NLRP14: variants seen among roughly 807,000 people sequenced by gnomAD.
The protein encoded by NLRP14 is NLR family pyrin domain containing 14.
NLRP14 carries 105 observed loss-of-function variants against 94.7 expected under a neutral mutation model. The ratio of observed to expected loss-of-function variants is 1.11; its 90% CI spans 0.95 to 1.30. The LOEUF (loss-of-function observed/expected upper bound fraction) is 1.30. Ranked by LOEUF, NLRP14 falls within the 50% of genes most tolerant of loss-of-function variation. The probability of loss-of-function intolerance (pLI) is 0.00; values close to 1 mark genes in which losing one functional copy is unlikely to be tolerated. For synonymous variants in NLRP14, 508 were observed against 459.9 expected (o/e 1.10, Z -1.34); for missense variants, 1,362 against 1,254.1 (o/e 1.09, Z -1.30).
At chr11:7,024,442 T>G (rs4758152) in intron 1 of NLRP14, among the ~76,000 whole-genome samples, 142,316 of 152,212 alleles carry the variant, frequency 0.93, 67,303 homozygotes, top group East Asian at 1. Flanking sequence ...TGGTCCCATA[T>G]CCTGGTTTCA....
chr11:7,042,954 AC>A lies in NLRP14; in HGVS notation c.929del (p.Thr310LysfsTer6). 1 of 1,614,086 alleles carries A rather than the reference AC, an allele frequency of 6.2e-7. No homozygotes were observed. Among genetic ancestry groups the A allele is most frequent in the South Asian group, 1.1e-5 (1 of 91,082 alleles). On this transcript the variant is annotated frameshift_variant, in exon 4 of 12. Transcript: ENST00000299481. LOFTEE classifies it high-confidence loss of function. Reference sequence around the variant, plus strand: ...ATCCTTATTGGTGACAACAAGACTCACAACTTCTAAGAGACTAAAGCAGTTG... The same window carrying A: ...ATCCTTATTGGTGACAACAAGACTCAAACTTCTAAGAGACTAAAGCAGTTG... Reference protein sequence around the residue: ...EASLLVTTRLTTSKRLKQLLK... With the variant: ...EASLLVTTRLXTSKRLKQLLK...
Position 7,039,769 on chromosome 11 carries a change from T to C in NLRP14, c.345T>C (p.Asp115=), listed in dbSNP as rs766577780. The C allele has an allele frequency of 2.5e-6, 4 of 1,613,900 alleles. No homozygotes were observed. The Admixed American group carries it at 6.7e-5, about 27-fold the overall frequency. ...DDAKAGETQE[D]QEAVLGDGTE... The stretch of plus-strand genomic sequence containing the variant: ...CCAAGGCTGGAGAGACACAAGAAGA[T>C]CAGGAGGCAGTGCTGGGTGAGTAGT... Residue 115 remains aspartate, a synonymous_variant, in exon 3 of 12, where the codon GAT becomes GAC. Transcript: ENST00000299481.
intron 1 of NLRP14, among the ~76,000 whole-genome samples, chr11:7,030,556 T>G (rs927558979): frequency 1.3e-5 from 2 of 151,194 alleles, no homozygotes; most frequent in African/African-American, 4.9e-5. Context: ...TGCCCCACTC[T>G]GATTTTCTCC....
intron 6 of NLRP14, 41 bp downstream of exon 6, chr11:7,049,879 TG>T (rs1421784059): frequency 6.5e-7 from 1 of 1,547,616 alleles, no homozygotes; most frequent in African/African-American, 1.4e-5. Context: ...TTTTTATAAT[TG>T]AGGCTTTTGT....
chr11:7,045,043 A>G (rs1852328321), intron 4 of NLRP14, among the ~76,000 whole-genome samples: 1 of 152,210 alleles, frequency 6.6e-6, no homozygotes, highest in South Asian at 2.1e-4. Flanking sequence ...CTGAGGTCAC[A>G]CATCTGATTG....
At chr11:7,055,821 C>T (rs1292534029) in intron 6 of NLRP14, among the ~76,000 whole-genome samples, 1 of 152,012 alleles carries the variant, frequency 6.6e-6, no homozygotes, top group Non-Finnish European at 1.5e-5. Flanking sequence ...GTAAGGACAA[C>T]AAAAACATTT....
chr11:7,029,056 T>C (rs1330767201), intron 1 of NLRP14, among the ~76,000 whole-genome samples: 1 of 152,194 alleles, frequency 6.6e-6, no homozygotes, highest in African/African-American at 2.4e-5. Flanking sequence ...TGTAAAAGGA[T>C]ACATACCAGA....
intron 1 of NLRP14, among the ~76,000 whole-genome samples, chr11:7,023,456 G>A (rs1275820389): frequency 1.4e-5 from 2 of 143,084 alleles, no homozygotes; most frequent in Non-Finnish European, 3.1e-5. Flanking sequence ...TTTTATATAT[G>A]TATAAATCTA....
In NLRP14 at chr11:7,043,786, A is replaced by G. The variant is rs774751939; in HGVS notation, c.1760A>G (p.Tyr587Cys). The G allele has an allele frequency of 6.2e-6, 10 of 1,614,150 alleles. No homozygotes were observed. In the East Asian group the frequency reaches 8.9e-5, roughly 14 times the overall value. The change falls in exon 4 of 12, where the codon TAT (tyrosine) becomes TGT (cysteine). Residue 587 changes from tyrosine (Y) to cysteine (C), a missense_variant. Physicochemically the swap from Tyr to Cys is radical, Grantham distance 194. Transcript: ENST00000299481. ...LGFLELFHCL[Y>C]ETQDKAFISQ... is the part of the protein sequence containing the mutation. ...TTTCTGGAGTTGTTTCACTGTCTGTATGAGACTCAAGATAAAGCGTTTATA... is the reference window on the plus strand; with the variant it reads ...TTTCTGGAGTTGTTTCACTGTCTGTGTGAGACTCAAGATAAAGCGTTTATA...
At chr11:7,079,757 C>T in the NLRP14 span, among the ~76,000 whole-genome samples, 1 of 152,316 alleles carries the variant, frequency 6.6e-6, no homozygotes, top group Non-Finnish European at 1.5e-5. Context: ...GGCAAGAGCA[C>T]ATAGAACAAA....
chr11:7,064,892 C>A (rs961671814), intron 10 of NLRP14, among the ~76,000 whole-genome samples: 2 of 151,786 alleles, frequency 1.3e-5, no homozygotes, highest in African/African-American at 4.8e-5. Flanking sequence ...TTGTTATAAA[C>A]CACATTTTCA....
chr11:7,064,046 T>G (rs970496338), intron 10 of NLRP14, among the ~76,000 whole-genome samples: 2 of 152,122 alleles, frequency 1.3e-5, no homozygotes, highest in African/African-American at 4.8e-5. Context: ...ATTTTGGATT[T>G]GCTGTTATAT....
At chr11:7,047,714 A>T (rs1221591524) in intron 5 of NLRP14, among the ~76,000 whole-genome samples, 1 of 148,200 alleles carries the variant, frequency 6.7e-6, no homozygotes, top group Non-Finnish European at 1.5e-5. Flanking sequence ...ATTTTGATTG[A>T]TTTATACAGT....
At chr11:7,031,808 C>A (rs1404287377) in intron 1 of NLRP14, among the ~76,000 whole-genome samples, 5 of 152,216 alleles carry the variant, frequency 3.3e-5, no homozygotes, top group Non-Finnish European at 5.9e-5. Flanking sequence ...TTTGCAGGTG[C>A]AACAGCTGCT....
intron 10 of NLRP14, among the ~76,000 whole-genome samples, chr11:7,067,274 C>T (rs138290993): frequency 0.051 from 7,729 of 151,940 alleles, 262 homozygotes; most frequent in East Asian, 0.13. Context: ...TAGCATTGAA[C>T]CTATAAATTA....
intron 10 of NLRP14, among the ~76,000 whole-genome samples, chr11:7,066,051 T>C (rs1273033703): frequency 3.3e-5 from 5 of 152,236 alleles, no homozygotes; most frequent in African/African-American, 4.8e-5. Context: ...TCCTTTTTTA[T>C]GGCTGCATAG....
chr11:7,067,979 T>A, intron 10 of NLRP14, among the ~76,000 whole-genome samples: 1 of 152,216 alleles, frequency 6.6e-6, no homozygotes, highest in Middle Eastern at 3.4e-3. Flanking sequence ...AAATAATTAT[T>A]TAGGTTTTCT....
chr11:7,089,751 G>T, the NLRP14 span: 8 of 1,562,378 alleles, frequency 5.1e-6, no homozygotes, highest in Middle Eastern at 1.7e-4. Context: ...GGGCCCGCGG[G>T]ATGAGGGCTA....
chr11:7,036,249 T>TA (rs1241665558), intron 1 of NLRP14, among the ~76,000 whole-genome samples: 1 of 152,230 alleles, frequency 6.6e-6, no homozygotes, highest in East Asian at 1.9e-4. Context: ...TGCCTTCCTA[T>TA]AAGAGAAACA....
Sources: gnomAD v4.1 joint callset for allele counts (sites outside exome capture counted in the v4.1 genomes callset) on GRCh38, gnomAD v4.1.1 for gene constraint, MANE v1.5 for transcripts, NCBI Gene and HGNC (gene_info 2026-07-23, HGNC 2026-07-21) for gene names.